CTDSPL: variants seen among roughly 807,000 people sequenced by gnomAD.
The protein encoded by CTDSPL is CTD small phosphatase-like protein.
Under a neutral mutation model 30.5 loss-of-function variants are expected in CTDSPL, and 8 were observed. That is an observed-to-expected ratio of 0.26 (90% CI 0.15 to 0.47). The LOEUF (loss-of-function observed/expected upper bound fraction) is 0.47. Among genes scored for constraint, CTDSPL ranks in the 20% least tolerant of loss-of-function variants. The pLI, the probability that CTDSPL is intolerant of heterozygous loss-of-function variation, is 0.99. For missense variants in CTDSPL, 248 were observed against 366.1 expected, an observed-to-expected ratio of 0.68 and a Z score of 2.63; for synonymous variants, 110 against 137.9, an observed-to-expected ratio of 0.80 and a Z score of 1.42.
chr3:37,896,639 G>A (rs1309202647), intron 1 of CTDSPL, among the ~76,000 whole-genome samples: 1 of 151,810 alleles, frequency 6.6e-6, no homozygotes, highest in Non-Finnish European at 1.5e-5. Context: ...CGGGCTCAAG[G>A]GTTCTTCCCA....
chr3:37,944,913 T>A (rs1386091550), intron 1 of CTDSPL: 1 of 150,472 alleles, frequency 6.6e-6, no homozygotes, highest in Admixed American at 6.7e-5. Flanking sequence ...AGTAATCATG[T>A]GGTAGAAATT....
intron 5 of CTDSPL, among the ~76,000 whole-genome samples, chr3:37,969,926 C>T (rs1278718792): frequency 3.9e-5 from 6 of 152,202 alleles, no homozygotes; most frequent in Admixed American, 1.3e-4. Flanking sequence ...GCCAGCAGCA[C>T]ACCCAGCATG....
intron 1 of CTDSPL, among the ~76,000 whole-genome samples, chr3:37,924,169 A>G (rs940043053): frequency 6.6e-6 from 1 of 152,256 alleles, no homozygotes; most frequent in Non-Finnish European, 1.5e-5. Context: ...TCCGTTTATG[A>G]TGATTCAAAC....
chr3:37,950,586 G>A (rs954924242), intron 2 of CTDSPL, among the ~76,000 whole-genome samples: 3 of 152,204 alleles, frequency 2.0e-5, no homozygotes, highest in African/African-American at 7.2e-5. Flanking sequence ...CACAGAGATG[G>A]TAATTGTGAG....
At chr3:37,944,985 AGT>A (rs1699018881) in intron 1 of CTDSPL, among the ~76,000 whole-genome samples, 1 of 143,042 alleles carries the variant, frequency 7.0e-6, no homozygotes, top group African/African-American at 2.9e-5. Flanking sequence ...TTTGTTAATT[AGT>A]TAGTTAGTTA....
intron 1 of CTDSPL, among the ~76,000 whole-genome samples, chr3:37,927,615 T>C (rs1046643610): frequency 3.3e-5 from 5 of 149,454 alleles, no homozygotes; most frequent in African/African-American, 1.2e-4. Flanking sequence ...TTTTGTTTAA[T>C]TGTGGTTAAA....
intron 3 of CTDSPL, among the ~76,000 whole-genome samples, chr3:37,962,759 A>C (rs1179849189): frequency 6.6e-6 from 1 of 152,214 alleles, no homozygotes; most frequent in East Asian, 1.9e-4. Flanking sequence ...CTAATGTCAA[A>C]AGGGAGACAT....
At chr3:37,939,434 T>TA (rs1439013877) in intron 1 of CTDSPL, among the ~76,000 whole-genome samples, 1 of 150,372 alleles carries the variant, frequency 6.7e-6, no homozygotes, top group East Asian at 1.9e-4. Flanking sequence ...AATTTCTGAA[T>TA]AAAAAATTTC....
intron 1 of CTDSPL, among the ~76,000 whole-genome samples, chr3:37,878,357 G>GA (rs1303125459): frequency 6.6e-6 from 1 of 152,114 alleles, no homozygotes; most frequent in African/African-American, 2.4e-5. Context: ...TTAGCTTTTG[G>GA]ATAAAGTAAA....
chr3:37,916,809 A>G (rs1489157167), intron 1 of CTDSPL, among the ~76,000 whole-genome samples: 1 of 152,124 alleles, frequency 6.6e-6, no homozygotes, highest in Non-Finnish European at 1.5e-5. Flanking sequence ...CTTTCCCATA[A>G]TCCCCTTGTT....
chr3:37,906,477 C>T (rs1253597796), intron 1 of CTDSPL, among the ~76,000 whole-genome samples: 1 of 152,220 alleles, frequency 6.6e-6, no homozygotes, highest in Non-Finnish European at 1.5e-5. Flanking sequence ...TGCCAGAACC[C>T]TGCTGGATAA....
chr3:37,880,605 G>A (rs778350514), intron 1 of CTDSPL, among the ~76,000 whole-genome samples: 7 of 152,070 alleles, frequency 4.6e-5, no homozygotes, highest in Non-Finnish European at 1.0e-4. Flanking sequence ...TGTGTACTAC[G>A]AATCGTAGAA....
chr3:37,911,922 C>T (rs951993904), intron 1 of CTDSPL: 71 of 269,136 alleles, frequency 2.6e-4, no homozygotes, highest in African/African-American at 1.5e-3. Flanking sequence ...ATTAGCTGGG[C>T]GTGGTGGCGG....
chr3:37,874,197 T>G (rs2125589472), intron 1 of CTDSPL, among the ~76,000 whole-genome samples: 1 of 152,346 alleles, frequency 6.6e-6, no homozygotes, highest in African/African-American at 2.4e-5. Flanking sequence ...CCCCAAGCTG[T>G]ACTTAACTGT....
At chr3:37,925,637 G>C (rs539802982) in intron 1 of CTDSPL, among the ~76,000 whole-genome samples, 3 of 152,216 alleles carry the variant, frequency 2.0e-5, no homozygotes, top group African/African-American at 7.2e-5. Context: ...TTTGAACAAA[G>C]GCCCTGCATT....
At chr3:37,932,207 G>C (rs1238904288) in intron 1 of CTDSPL, among the ~76,000 whole-genome samples, 1 of 152,122 alleles carries the variant, frequency 6.6e-6, no homozygotes, top group Non-Finnish European at 1.5e-5. Context: ...ACATCCTACT[G>C]TATACCAGGA....
intron 1 of CTDSPL, among the ~76,000 whole-genome samples, chr3:37,902,192 G>C (rs1698458087): frequency 6.6e-6 from 1 of 152,220 alleles, no homozygotes; most frequent in Admixed American, 6.5e-5. Context: ...TAAGGAATCA[G>C]AGTTCTATTA....
intron 1 of CTDSPL, among the ~76,000 whole-genome samples, chr3:37,895,156 A>G (rs1698376398): frequency 6.6e-6 from 1 of 152,098 alleles, no homozygotes; most frequent in African/African-American, 2.4e-5. Flanking sequence ...TCTGGATTCT[A>G]TTATATTCCT....
intron 1 of CTDSPL, among the ~76,000 whole-genome samples, chr3:37,883,430 T>C (rs1176529679): frequency 1.3e-5 from 2 of 152,214 alleles, no homozygotes; most frequent in African/African-American, 4.8e-5. Flanking sequence ...ATATTACATC[T>C]TAATTTTCAT....
Sources: allele counts gnomAD v4.1 joint callset (sites outside exome capture counted in the v4.1 genomes callset), GRCh38; gene constraint gnomAD v4.1.1; transcripts MANE v1.5; gene names NCBI Gene and HGNC (gene_info 2026-07-23, HGNC 2026-07-21).